Variants in DAB2IP observed in about 807,000 individuals in gnomAD.
DAB2IP encodes DAB2 interacting protein, also known as disabled homolog 2-interacting protein.
In DAB2IP, 28 loss-of-function variants were observed where a neutral mutation model predicts 107.2. That is an observed-to-expected ratio of 0.26 (90% CI 0.19 to 0.36). The LOEUF is 0.36. DAB2IP is among the 10% of genes least tolerant of loss of function. The pLI is 1.00. For synonymous variants in DAB2IP, 755 were observed against 706.4 expected, an observed-to-expected ratio of 1.07 and a Z score of -1.09; for missense variants, 1,400 against 1,644.7, an observed-to-expected ratio of 0.85 and a Z score of 2.57.
intron 1 of DAB2IP, among the ~76,000 whole-genome samples, chr9:121,571,908 G>C (rs940340168): frequency 2.6e-5 from 4 of 152,052 alleles, no homozygotes; most frequent in Non-Finnish European, 5.9e-5. Flanking sequence ...GAAGGGGAGA[G>C]CTCGGAAACT....
At chr9:121,604,286 A>G (rs74770498) in intron 1 of DAB2IP, among the ~76,000 whole-genome samples, 1,958 of 152,208 alleles carry the variant, frequency 0.013, 23 homozygotes, top group South Asian at 0.038. Flanking sequence ...TCTGACCTGA[A>G]CGGTTCTAAC....
At chr9:121,743,840 A>G (rs1336738136) in intron 3 of DAB2IP, among the ~76,000 whole-genome samples, 1 of 152,312 alleles carries the variant, frequency 6.6e-6, no homozygotes, top group East Asian at 1.9e-4. Context: ...TGACTGTCAC[A>G]GGAGCTGGTC....
rs912689756 is a variant in DAB2IP at position 121,742,124 on chromosome 9, C to G, written c.363-14889C>G. Among the ~76,000 whole-genome samples, 3 of 152,142 alleles carry G rather than the reference C, an allele frequency of 2.0e-5. No homozygotes were observed. In the South Asian group the frequency reaches 6.2e-4, roughly 32 times the overall value. On this transcript the variant is annotated intron_variant, in intron 3 of 15. Transcript: ENST00000408936. ...AAGACGCCTCCTGGCCTTGGCTTTT[C>G]TGACCAAAGATAGCCACACTGGGCA...
At chr9:121,680,230 AG>A (rs1280972714) in intron 2 of DAB2IP, among the ~76,000 whole-genome samples, 1 of 152,190 alleles carries the variant, frequency 6.6e-6, no homozygotes, top group African/African-American at 2.4e-5. Flanking sequence ...ACCAGGCCAA[AG>A]GGATGGGGCT....
At chr9:121,722,315 G>C (rs1327566025) in intron 3 of DAB2IP, among the ~76,000 whole-genome samples, 1 of 152,122 alleles carries the variant, frequency 6.6e-6, no homozygotes, top group Non-Finnish European at 1.5e-5. Flanking sequence ...TCCTCTTCCT[G>C]TTCCTCCCCT....
At chr9:121,663,922 T>G (rs1173087428) in intron 1 of DAB2IP, among the ~76,000 whole-genome samples, 1 of 152,250 alleles carries the variant, frequency 6.6e-6, no homozygotes, top group Non-Finnish European at 1.5e-5. Flanking sequence ...AATCCTGTTT[T>G]CAACGTTTCC....
At position 121,662,381 on chromosome 9, in the gene DAB2IP, G is replaced by A. The variant is rs1283738693; in HGVS notation, c.124+10482G>A. 2.0e-5 allele frequency among the ~76,000 whole-genome samples: 3 copies of A among 152,192 alleles called. No individual in the cohort carries two copies. The highest frequency in any genetic ancestry group is 7.2e-5 in the African/African-American group (3 of 41,444). On this transcript the variant is annotated intron_variant, in intron 1 of 15. Transcript: ENST00000408936. The surrounding 1 kb of genome is among the most constrained non-coding windows in gnomAD (Gnocchi z 4.6). ...CTGTATGACTTGTGAGCCAAGAATA[G>A]TTTTTACATTTTTAAAGGGTTGGAA... is the stretch of plus-strand genomic sequence containing the variant.
intron 4 of DAB2IP, among the ~76,000 whole-genome samples, chr9:121,758,284 A>T (rs1293972826): frequency 6.6e-6 from 1 of 152,156 alleles, no homozygotes; most frequent in South Asian, 2.1e-4. Flanking sequence ...TGAGAGTCAG[A>T]CAGAGAGGGA....
intron 1 of DAB2IP, among the ~76,000 whole-genome samples, chr9:121,626,360 A>C (rs1831645797): frequency 6.6e-6 from 1 of 151,250 alleles, no homozygotes; most frequent in African/African-American, 2.4e-5. Context: ...TGTGTTGGTA[A>C]AAATGAAGAT....
chr9:121,699,118 G>A lies in DAB2IP; in HGVS notation c.229-207G>A, dbSNP rs1829597491. On this transcript the variant is annotated intron_variant, in intron 2 of 15. Transcript: ENST00000408936. The surrounding 1 kb of genome is among the most constrained non-coding windows in gnomAD (Gnocchi z 6.2). ...CGGGGGCGACGTGGCGGGCGGGGTGGGCTGGGCCGCGCTGCGCGGGCCGGG... is the reference window on the plus strand; with the variant it reads ...CGGGGGCGACGTGGCGGGCGGGGTGAGCTGGGCCGCGCTGCGCGGGCCGGG... Among the ~76,000 whole-genome samples, 1 of 146,214 alleles carries A rather than the reference G, an allele frequency of 6.8e-6. No homozygotes were observed. Among genetic ancestry groups the A allele is most frequent in the Middle Eastern group, 3.4e-3 (1 of 290 alleles).
intron 2 of DAB2IP, among the ~76,000 whole-genome samples, chr9:121,685,254 G>C (rs994457441): frequency 6.6e-6 from 1 of 152,188 alleles, no homozygotes; most frequent in Admixed American, 6.5e-5. Flanking sequence ...TGCCTTCCGC[G>C]GGGGGCATCC....
chr9:121,755,220 C>CGGTGTGGCGGTGTGATGTGGT (rs370229493), intron 3 of DAB2IP, among the ~76,000 whole-genome samples: 3 of 152,150 alleles, frequency 2.0e-5, no homozygotes, highest in African/African-American at 4.8e-5. Context: ...TCCAACACAG[C>CGGTGTGGCGGTGTGATGTGGT]GGTGTGGCGG....
At chr9:121,728,474 G>A (rs1029479988) in intron 3 of DAB2IP, among the ~76,000 whole-genome samples, 22 of 152,146 alleles carry the variant, frequency 1.4e-4, no homozygotes, top group African/African-American at 5.3e-4. Context: ...CAAAGACTGG[G>A]TTTTCTCAGA....
In DAB2IP at chr9:121,766,698, C is replaced by T. The variant is rs78398519; in HGVS notation, c.1665C>T (p.Ala555=). The T allele has an allele frequency of 5.6e-6, 9 of 1,614,090 alleles. No homozygotes were observed. In the Admixed American group the frequency reaches 1.0e-4, roughly 18 times the overall value. ...CTGCCCGCACCCTCACCCTCATCGC[C>T]AAGGTCACCCAGAACCTGGCCAACT... Residue 555 remains alanine, a synonymous_variant, in exon 9 of 16, where the codon GCC becomes GCT. Transcript: ENST00000408936.
At chr9:121,763,737 G>A in exon 8 of DAB2IP, 3 of 1,614,004 alleles carry the variant, frequency 1.9e-6, no homozygotes, top group Non-Finnish European at 2.5e-6. Flanking sequence ...GTCCATAGGT[G>A]AGTTCATCAA....
At chr9:121,755,143 C>T (rs1051387090) in intron 3 of DAB2IP, among the ~76,000 whole-genome samples, 1 of 152,192 alleles carries the variant, frequency 6.6e-6, no homozygotes, top group Admixed American at 6.5e-5. Context: ...CTGGTCATTG[C>T]CGTGATGGGG....
rs149420814 is a variant in DAB2IP at position 121,763,642 on chromosome 9, C to A, written c.1308C>A (p.Asp436Glu). The A allele has an allele frequency of 3.1e-6, 5 of 1,612,802 alleles. No individual in the cohort carries two copies. In the South Asian group the frequency reaches 3.3e-5, roughly 11 times the overall value. ...TAGTGGGCCAGAAGTACCTGCAGGA[C>A]GCCCTAGGTAGGGAGTGGGCCAGCA... is the stretch of plus-strand genomic sequence containing the variant. The change falls in exon 7 of 16, where the codon GAC (aspartate) becomes GAA (glutamate). Residue 436 changes from aspartate (D) to glutamate (E), a missense_variant. Asp to Glu is a conservative substitution (Grantham distance 45). Transcript: ENST00000408936.
chr9:121,661,441 G>T (rs553284091), intron 1 of DAB2IP, among the ~76,000 whole-genome samples: 1 of 152,114 alleles, frequency 6.6e-6, no homozygotes, highest in African/African-American at 2.4e-5. Flanking sequence ...CCCATCAGGA[G>T]CAGCCTCTGA....
chr9:121,706,379 G>T (rs1401905499), intron 3 of DAB2IP, among the ~76,000 whole-genome samples: 1 of 152,144 alleles, frequency 6.6e-6, no homozygotes, highest in Non-Finnish European at 1.5e-5. Flanking sequence ...CCACCCCCCA[G>T]TCAGAGCCTG....
Sources: gnomAD v4.1 joint callset for allele counts (sites outside exome capture counted in the v4.1 genomes callset) on GRCh38, gnomAD v4.1.1 for gene constraint, Gnocchi (gnomAD v3.1) non-coding constraint, MANE v1.5 for transcripts, NCBI Gene and HGNC (gene_info 2026-07-23, HGNC 2026-07-21) for gene names.